ANKRD36C: variants seen among roughly 807,000 people sequenced by gnomAD.
ANKRD36C encodes the protein ankyrin repeat domain 36C.
In ANKRD36C, 61 loss-of-function variants were observed where a neutral mutation model predicts 276.4. That is an observed-to-expected ratio of 0.22 (90% CI 0.18 to 0.27). The LOEUF is 0.27. Ranked by LOEUF, ANKRD36C falls within the 10% of genes least tolerant of loss-of-function variation. The probability of loss-of-function intolerance (pLI) is 1.00; values close to 1 mark genes in which losing one functional copy is unlikely to be tolerated. For synonymous variants in ANKRD36C, 483 were observed against 680.1 expected, an observed-to-expected ratio of 0.71 and a Z score of 4.51; for missense variants, 1,447 against 2,032.3, an observed-to-expected ratio of 0.71 and a Z score of 5.54.
chr2:95,866,028 C>T (rs1180653149), intron 60 of ANKRD36C, among the ~76,000 whole-genome samples: 1 of 152,058 alleles, frequency 6.6e-6, no homozygotes. Context: ...GATGGCAATG[C>T]AGTGGAGAAA....
intron 34 of ANKRD36C, among the ~76,000 whole-genome samples, chr2:95,921,331 TC>T (rs1226714489): frequency 6.6e-6 from 1 of 150,954 alleles, no homozygotes; most frequent in Non-Finnish European, 1.5e-5. Context: ...ACTATGCTGT[TC>T]CCCAGAGCCC....
chr2:95,850,466 G>A (rs1322033746), downstream of ANKRD36C, among the ~76,000 whole-genome samples: 3 of 152,182 alleles, frequency 2.0e-5, no homozygotes, highest in African/African-American at 2.4e-5. Flanking sequence ...TATCTGAAGG[G>A]GAAGGAAAAC....
chr2:95,908,110 G>A lies in ANKRD36C; in HGVS notation c.2653+4134C>T, dbSNP rs574925331. Among the ~76,000 whole-genome samples, 6 of 150,614 alleles carry A rather than the reference G, an allele frequency of 4.0e-5. No individual in the cohort carries two copies. The South Asian group carries it at 1.3e-3, about 32-fold the overall frequency. ...CTTAGTTCTCCTAACAGTGTCTACG[G>A]GTTGTTACAACAAGCTTTCTGTCTT... On this transcript the variant is annotated intron_variant, in intron 42 of 66. Coordinates refer to ENST00000456556, the Ensembl canonical transcript of ANKRD36C.
chr2:95,925,133 A>G (rs1311714444), intron 30 of ANKRD36C, among the ~76,000 whole-genome samples: 2 of 151,510 alleles, frequency 1.3e-5, no homozygotes, highest in Non-Finnish European at 3.0e-5. Context: ...TGGTTCTTCC[A>G]TCCAAATTCA....
chr2:95,897,493 C>G, intron 44 of ANKRD36C, 28 bp from the exon 59 acceptor site: 1 of 1,521,460 alleles, frequency 6.6e-7, no homozygotes, highest in Non-Finnish European at 8.9e-7. Context: ...TTCATAATCA[C>G]TCATATGTAA....
chr2:95,956,343 G>A (rs1237507329), intron 13 of ANKRD36C, among the ~76,000 whole-genome samples: 1 of 152,200 alleles, frequency 6.6e-6, no homozygotes, highest in Non-Finnish European at 1.5e-5. Flanking sequence ...CAAAATATTT[G>A]GACAAAGTTT....
At chr2:95,885,075 A>G (rs1398427290) in intron 52 of ANKRD36C, among the ~76,000 whole-genome samples, 2 of 152,074 alleles carry the variant, frequency 1.3e-5, no homozygotes, top group Non-Finnish European at 2.9e-5. Context: ...TCAATTATCA[A>G]TTTTGACATA....
intron 59 of ANKRD36C, among the ~76,000 whole-genome samples, chr2:95,875,395 T>C (rs1248837182): frequency 2.6e-5 from 4 of 151,138 alleles, no homozygotes; most frequent in South Asian, 2.1e-4. Context: ...ATGGATGAAA[T>C]TGGAAATCAT....
At chr2:95,896,358 C>A (rs1301466371) in intron 44 of ANKRD36C, among the ~76,000 whole-genome samples, 1 of 148,680 alleles carries the variant, frequency 6.7e-6, no homozygotes, top group Non-Finnish European at 1.5e-5. Context: ...ATCAGTTTTT[C>A]ATTCAGAAAT....
chr2:95,962,488 T>C (rs557999967), intron 7 of ANKRD36C, 31 bp downstream of exon 7: 1 of 1,597,566 alleles, frequency 6.3e-7, no homozygotes, highest in East Asian at 2.2e-5. Flanking sequence ...ATATAGTTAA[T>C]AGTTCAAAAC....
intron 6 of ANKRD36C, among the ~76,000 whole-genome samples, chr2:95,966,512 A>T (rs748794879): frequency 6.6e-6 from 1 of 151,982 alleles, no homozygotes; most frequent in Non-Finnish European, 1.5e-5. Flanking sequence ...GTTCTGTTCC[A>T]TTGGTCTATA....
chr2:95,936,392 TTTC>T (rs952920984), intron 22 of ANKRD36C, among the ~76,000 whole-genome samples: 2 of 152,258 alleles, frequency 1.3e-5, no homozygotes, highest in African/African-American at 2.4e-5. Context: ...AAGAAATATA[TTTC>T]TTGATTGTTT....
At chr2:95,914,002 G>A (rs1345442382) in intron 40 of ANKRD36C, 106 bp downstream of exon 42, 2 of 1,177,484 alleles carry the variant, frequency 1.7e-6, no homozygotes, top group East Asian at 2.6e-5. Context: ...CAGGACTGCT[G>A]TATCAGAATG....
rs778082695 is a variant in ANKRD36C at position 95,917,877 on chromosome 2, C to G, written c.2325G>C (p.Lys775Asn). Residue 775 changes from lysine to asparagine, a missense_variant, in exon 36 of 67, where the codon AAG becomes AAC. Physicochemically the swap from Lys to Asn is moderately conservative, Grantham distance 94 (BLOSUM62 0). Coordinates refer to ENST00000456556, the Ensembl canonical transcript of ANKRD36C. Reference sequence around the variant, plus strand: ...TACCTGTCCCAGATTTTTCTCCGTCCTTTATTTCTGTGGCTATAATCGAAA... The same window carrying G: ...TACCTGTCCCAGATTTTTCTCCGTCGTTTATTTCTGTGGCTATAATCGAAA... 5.0e-6 allele frequency: 8 copies of G among 1,605,378 alleles called. No individual in the cohort carries two copies. In the South Asian group the frequency reaches 5.5e-5, roughly 11 times the overall value.
At chr2:95,949,921 T>C (rs77357028) in intron 16 of ANKRD36C, among the ~76,000 whole-genome samples, 1 of 152,310 alleles carries the variant, frequency 6.6e-6, no homozygotes, top group African/African-American at 2.4e-5. Flanking sequence ...CATAAACCCT[T>C]AGAAAAGCAG....
chr2:95,956,034 A>G (rs200692178), intron 13 of ANKRD36C, among the ~76,000 whole-genome samples: 197 of 141,952 alleles, frequency 1.4e-3, no homozygotes, highest in Non-Finnish European at 2.2e-3. Context: ...GAAGAATCCA[A>G]AAAATAAGAA....
intron 6 of ANKRD36C, among the ~76,000 whole-genome samples, chr2:95,968,915 G>A (rs1022214887): frequency 2.0e-5 from 3 of 152,176 alleles, no homozygotes; most frequent in African/African-American, 7.2e-5. Flanking sequence ...TACAGATAAA[G>A]AGATGCATAG....
chr2:95,892,148 G>C (rs1264298070), intron 44 of ANKRD36C, among the ~76,000 whole-genome samples: 1 of 151,510 alleles, frequency 6.6e-6, no homozygotes, highest in Non-Finnish European at 1.5e-5. Flanking sequence ...CGAGTGATGA[G>C]GACAAAGTGA....
At chr2:95,954,294 C>T (rs537223115) in intron 13 of ANKRD36C, among the ~76,000 whole-genome samples, 2 of 152,196 alleles carry the variant, frequency 1.3e-5, no homozygotes, top group African/African-American at 2.4e-5. Context: ...ATTATAATGG[C>T]GTGGCCAGAC....
Sources: allele counts gnomAD v4.1 joint callset (sites outside exome capture counted in the v4.1 genomes callset), GRCh38; gene constraint gnomAD v4.1.1; transcripts MANE v1.5; gene names NCBI Gene and HGNC (gene_info 2026-07-23, HGNC 2026-07-21).